The following CSMD2 variants were observed in gnomAD, a reference collection of about 807,000 sequenced individuals.
CSMD2 encodes CUB and Sushi multiple domains 2.
Under a neutral mutation model 398.5 loss-of-function variants are expected in CSMD2, and 130 were observed. That is an observed-to-expected ratio of 0.33 (90% confidence interval 0.28 to 0.38). The LOEUF (loss-of-function observed/expected upper bound fraction) is 0.38, where lower values mean the gene tolerates loss of function less well. Among genes scored for constraint, CSMD2 ranks in the 10% least tolerant of loss-of-function variants. The pLI, the probability that CSMD2 is intolerant of heterozygous loss-of-function variation, is 1.00. For missense variants in CSMD2, 3,829 were observed against 4,764.9 expected (o/e 0.80, Z 5.78); for synonymous variants, 1,828 against 1,908.5 (o/e 0.96, Z 1.10).
chr1:34,138,560 C>A (rs1483287545), intron 1 of CSMD2, among the ~76,000 whole-genome samples: 1 of 152,224 alleles, frequency 6.6e-6, no homozygotes, highest in Admixed American at 6.5e-5. Flanking sequence ...CCACTTATTT[C>A]ATTTTCACTT....
At chr1:33,710,981 G>A (rs531751895) in intron 21 of CSMD2, among the ~76,000 whole-genome samples, 23 of 152,312 alleles carry the variant, frequency 1.5e-4, no homozygotes, top group African/African-American at 5.3e-4. Context: ...TCTCTTGGAG[G>A]AGAAATCTAA....
chr1:33,615,196 C>T (rs1641305864), intron 39 of CSMD2, among the ~76,000 whole-genome samples: 1 of 152,210 alleles, frequency 6.6e-6, no homozygotes, highest in African/African-American at 2.4e-5. Context: ...AACCACCAGG[C>T]TGTCTGAGTG....
intron 13 of CSMD2, among the ~76,000 whole-genome samples, chr1:33,747,806 T>C (rs1330085498): frequency 6.6e-6 from 1 of 152,164 alleles, no homozygotes; most frequent in Non-Finnish European, 1.5e-5. Flanking sequence ...TCAATATAAG[T>C]CTCAAATATT....
At chr1:33,708,750 C>G (rs557684721) in intron 22 of CSMD2, among the ~76,000 whole-genome samples, 16 of 152,094 alleles carry the variant, frequency 1.1e-4, no homozygotes, top group African/African-American at 3.9e-4. Context: ...TACAGGCATG[C>G]ACCACCACAC....
At chr1:33,918,756 T>A (rs1448462203) in intron 4 of CSMD2, among the ~76,000 whole-genome samples, 1 of 151,944 alleles carries the variant, frequency 6.6e-6, no homozygotes, top group Non-Finnish European at 1.5e-5. Context: ...GGAAAGGAAA[T>A]GGATTTTAGG....
At chr1:33,895,085 C>A (rs77920931) in intron 5 of CSMD2, among the ~76,000 whole-genome samples, 1 of 152,138 alleles carries the variant, frequency 6.6e-6, no homozygotes, top group Non-Finnish European at 1.5e-5. Context: ...TATCAATAAT[C>A]GCTACATTAT....
chr1:33,564,955 T>C (rs944833025), intron 53 of CSMD2, among the ~76,000 whole-genome samples: 1 of 152,176 alleles, frequency 6.6e-6, no homozygotes, highest in African/African-American at 2.4e-5. Context: ...AGTGATTGCC[T>C]AAATCAAAAA....
chr1:34,012,913 T>C (rs1279214693), intron 3 of CSMD2, among the ~76,000 whole-genome samples: 3 of 152,226 alleles, frequency 2.0e-5, no homozygotes, highest in African/African-American at 7.2e-5. Flanking sequence ...GGGATACATT[T>C]GCCTCTCCAG....
chr1:33,617,380 C>A, intron 38 of CSMD2, 119 bp downstream of exon 38: 1 of 730,304 alleles, frequency 1.4e-6, no homozygotes, highest in Admixed American at 2.1e-5. Context: ...GATAATGGTA[C>A]CCGGGGGACC....
intron 13 of CSMD2, among the ~76,000 whole-genome samples, chr1:33,754,932 G>T (rs572948964): frequency 2.0e-5 from 3 of 151,818 alleles, no homozygotes; most frequent in Non-Finnish European, 4.4e-5. Flanking sequence ...AGAAGGGGCT[G>T]TTCATGGGTT....
intron 68 of CSMD2, 63 bp downstream of exon 68, chr1:33,521,400 G>T: frequency 1.8e-6 from 2 of 1,122,912 alleles, no homozygotes; most frequent in South Asian, 1.2e-5. Flanking sequence ...ACCTGACCAC[G>T]GCACACACGG....
intron 3 of CSMD2, among the ~76,000 whole-genome samples, chr1:34,003,230 A>G (rs1027102373): frequency 2.6e-5 from 4 of 152,150 alleles, no homozygotes; most frequent in African/African-American, 9.7e-5. Flanking sequence ...CAGTGCTGAA[A>G]TCTGTTTGAA....
Position 34,163,019 on chromosome 1 carries a change from T to C in CSMD2, c.187+1892A>G, listed in dbSNP as rs923810224. On this transcript the variant is annotated intron_variant, in intron 1 of 70. Coordinates refer to ENST00000373381, the MANE Select transcript of CSMD2 (RefSeq NM_001281956.2). This position sits in a 1 kb window ranked among gnomAD's most constrained non-coding sequence, Gnocchi z 5.4. ...GCAAGGAGCTGCGAGCAAATGGATC[T>C]CTATAGGGCAGGATTCCAGCACCGC... Among the ~76,000 whole-genome samples the C allele has an allele frequency of 1.3e-5, 2 of 152,156 alleles. No homozygotes were observed. The highest frequency in any genetic ancestry group is 2.9e-5 in the Non-Finnish European group (2 of 68,020).
chr1:33,559,501 C>A lies in CSMD2; in HGVS notation c.8381-28G>T. 1 of 1,533,458 alleles carries A rather than the reference C, an allele frequency of 6.5e-7. No individual in the cohort carries two copies. The highest frequency in any genetic ancestry group is 8.7e-7 in the Non-Finnish European group (1 of 1,144,822). 95.0% of individuals were successfully genotyped at this position (1,533,458 alleles called of 1,614,324 possible). ...GTAACCAAAACAGAAGATAGGTAAG[C>A]CCTCCTACTATTCCACACCCCTCAG... On this transcript the variant is annotated intron_variant, in intron 53 of 70. Transcript: ENST00000373381. The surrounding 1 kb of genome is among the most constrained non-coding windows in gnomAD (Gnocchi z 4.0).
At chr1:33,611,734 A>G (rs1641020841) in intron 40 of CSMD2, among the ~76,000 whole-genome samples, 1 of 152,210 alleles carries the variant, frequency 6.6e-6, no homozygotes, top group Admixed American at 6.5e-5. Context: ...TGTTCCATAA[A>G]GAAGCCAAAT....
In CSMD2 at chr1:33,792,450, T is replaced by A. The variant is rs560752252; in HGVS notation, c.1523A>T (p.Asp508Val). ...GTAGAGAACTGTCTTCTGGTCCCCA[T>A]CCTGACCACCATCACCGACCGTCAG... ...DTLTVGDGGQ[D>V]GDQKTVLYIL... Residue 508 changes from aspartate (D) to valine (V), a missense_variant, in exon 11 of 71, where the codon GAT (aspartate) becomes GTT (valine). Asp to Val is a radical substitution (Grantham distance 152). Coordinates refer to ENST00000373381, the MANE Select transcript of CSMD2 (RefSeq NM_001281956.2). 3.7e-6 allele frequency: 6 copies of A among 1,613,516 alleles called. No individual in the cohort carries two copies. In the South Asian group the frequency reaches 5.5e-5, roughly 15 times the overall value.
intron 10 of CSMD2, among the ~76,000 whole-genome samples, chr1:33,797,843 G>C (rs1038781253): frequency 6.6e-6 from 1 of 152,106 alleles, no homozygotes. Context: ...GGCTCACCCA[G>C]CCACCTCCAA....
chr1:33,913,566 G>A (rs540684194), intron 5 of CSMD2, among the ~76,000 whole-genome samples: 1 of 152,262 alleles, frequency 6.6e-6, no homozygotes, highest in Admixed American at 6.5e-5. Flanking sequence ...TGTTTTGTAG[G>A]TTGGTATACT....
chr1:34,041,867 T>C (rs1651883191), intron 2 of CSMD2, among the ~76,000 whole-genome samples: 1 of 152,194 alleles, frequency 6.6e-6, no homozygotes, highest in Admixed American at 6.5e-5. Context: ...AGAAGAACAC[T>C]GGCATTCACA....
Sources: gnomAD v4.1 joint callset for allele counts (sites outside exome capture counted in the v4.1 genomes callset) on GRCh38, gnomAD v4.1.1 for gene constraint, Gnocchi (gnomAD v3.1) non-coding constraint, MANE v1.5 for transcripts, NCBI Gene and HGNC (gene_info 2026-07-23, HGNC 2026-07-21) for gene names.